COMTD1: variants seen among roughly 807,000 people sequenced by gnomAD.
COMTD1 encodes catechol O-methyltransferase domain-containing protein 1.
COMTD1 carries 35 observed loss-of-function variants against 33.6 expected under a neutral mutation model. The ratio of observed to expected loss-of-function variants is 1.04; its 90% confidence interval spans 0.80 to 1.38. The LOEUF is 1.38. COMTD1 is among the 40% of genes most tolerant of loss of function. The pLI is 0.00. For synonymous variants in COMTD1, 160 were observed against 176.8 expected (o/e 0.91, Z 0.75); for missense variants, 370 against 363.4 (o/e 1.02, Z -0.15).
rs372681735 is a variant in COMTD1, at chr10:75,235,160, G to A, written c.347C>T (p.Ser116Phe). The change falls in exon 4 of 7, where the codon TCC (serine) becomes TTC (phenylalanine). Residue 116 changes from serine (S) to phenylalanine (F), a missense_variant. Coordinates refer to ENST00000372538, the MANE Select transcript of COMTD1 (RefSeq NM_144589.4). Reference protein sequence around the residue: ...ALDLGTFTGYSALALALALPA... With the variant: ...ALDLGTFTGYFALALALALPA... ...CAGCGCCAGGGCCAGGGCCAGGGCG[G>A]AGTAGCCCGTGAAGGTGCCTGGGAC... The A allele has an allele frequency of 2.6e-4, 360 of 1,406,344 alleles. 1 individual carries two copies. The East Asian group carries it at 8.3e-3, about 32-fold the overall frequency. 87.1% of individuals were successfully genotyped at this position (1,406,344 alleles called of 1,614,324 possible). A position where few individuals can be genotyped will look rare whatever the true frequency, so the allele number is the denominator to read the frequency against.
intron 2 of COMTD1, 65 bp from the exon 3 acceptor site, chr10:75,235,437 G>T: frequency 7.4e-7 from 1 of 1,350,664 alleles, no homozygotes; most frequent in Non-Finnish European, 9.9e-7. Context: ...GGGGTCCCAA[G>T]CCCCAGGGGC....
chr10:75,235,877 A>T lies in COMTD1; in HGVS notation c.52T>A (p.Ser18Thr). 6.7e-7 allele frequency: 1 copy of T among 1,502,392 alleles called. No homozygotes were observed. Among genetic ancestry groups the T allele is most frequent in the Non-Finnish European group, 8.8e-7 (1 of 1,131,262 alleles). The allele number at this position is 1,502,392 out of a possible 1,614,324, so 93.1% of individuals were successfully genotyped here. A position where few individuals can be genotyped will look rare whatever the true frequency, so the allele number is the denominator to read the frequency against. ...LSVPAALALG[S>T]AALGAAFATG... ...GCGAAGGCGGCGCCCAGTGCGGCTG[A>T]GCCCAGGGCCAGCGCGGCGGGCACG... The change falls in exon 1 of 7, where the codon TCA becomes ACA. Residue 18 changes from serine to threonine, a missense_variant. Ser to Thr is a moderately conservative substitution (Grantham distance 58, BLOSUM62 1). Coordinates refer to ENST00000372538, the MANE Select transcript of COMTD1 (RefSeq NM_144589.4).
chr10:75,235,263 C>G lies in COMTD1; in HGVS notation c.328+4G>C. The G allele has an allele frequency of 6.5e-7, 1 of 1,547,070 alleles. No individual in the cohort carries two copies. Among genetic ancestry groups the G allele is most frequent in the Non-Finnish European group, 8.7e-7 (1 of 1,149,762 alleles). On this transcript the variant is annotated splice_donor_region_variant and intron_variant, in intron 3 of 6. Transcript: ENST00000372538. ...CCTCCGGGATCCCGGCCGCGTGCCC[C>G]TACCCAGGTCCAGCGCCTTCTTGGC...
rs909237694 is a variant in COMTD1, at chr10:75,235,865, C to T, written c.64G>A (p.Gly22Ser). Residue 22 changes from glycine to serine, a missense_variant, in exon 1 of 7, where the codon GGC becomes AGC. Transcript: ENST00000372538. ...AAGAGGCCAGTGGCGAAGGCGGCGC[C>T]CAGTGCGGCTGAGCCCAGGGCCAGC... Reference protein sequence around the residue: ...AALALGSAALGAAFATGLFLG... With the variant: ...AALALGSAALSAAFATGLFLG... 5.9e-6 allele frequency: 9 copies of T among 1,525,038 alleles called. No homozygotes were observed. The highest frequency in any genetic ancestry group is 7.9e-6 in the Non-Finnish European group (9 of 1,142,056). The allele number at this position is 1,525,038 out of a possible 1,614,324, so 94.5% of individuals were successfully genotyped here. A position where few individuals can be genotyped will look rare whatever the true frequency, so the allele number is the denominator to read the frequency against.
At chr10:75,234,253 G>T (rs773168983) in intron 6 of COMTD1, 28 bp from the exon 7 acceptor site, 1 of 1,593,758 alleles carries the variant, frequency 6.3e-7, no homozygotes, top group South Asian at 1.1e-5. Flanking sequence ...CAACCGGGCC[G>T]TGGGAGGCGG....
rs757555833 is a variant in COMTD1 at position 75,235,047 on chromosome 10, C to T, written c.447+13G>A. The T allele has an allele frequency of 2.8e-6, 4 of 1,452,684 alleles. No individual in the cohort carries two copies. The highest frequency in any genetic ancestry group is 2.8e-5 in the South Asian group (2 of 71,476). The allele number at this position is 1,452,684 out of a possible 1,614,324, so 90.0% of individuals were successfully genotyped here. A position where few individuals can be genotyped will look rare whatever the true frequency, so the allele number is the denominator to read the frequency against. Reference sequence around the variant, plus strand: ...CCCCGCCTGGGGCTGCAGAGCTAGGCGCGGGCGCTCACCTGCCTCCACAGG... The same window carrying T: ...CCCCGCCTGGGGCTGCAGAGCTAGGTGCGGGCGCTCACCTGCCTCCACAGG... On this transcript the variant is annotated intron_variant, in intron 4 of 6. Transcript: ENST00000372538.
chr10:75,235,797 G>GGGCCCCCCCCCCCCCCCCCCCCC, intron 1 of COMTD1, 38 bp downstream of exon 1: 1 of 1,538,666 alleles, frequency 6.5e-7, no homozygotes, highest in Non-Finnish European at 8.8e-7. Context: ...CCTACTCTGC[G>GGGCCCCCCCCCCCCCCCCCCCCC]CCCGCCCACC....
rs1446756075 is a variant in COMTD1 at position 75,234,922 on chromosome 10, C to G, written c.502+16G>C. ...GCAATGAATGGCTTCAAAGCCCTTCCCGCTTCGGTGCTCACCCAGGGTCTC... is the reference window on the plus strand; with the variant it reads ...GCAATGAATGGCTTCAAAGCCCTTCGCGCTTCGGTGCTCACCCAGGGTCTC... On this transcript the variant is annotated intron_variant, in intron 5 of 6. Transcript: ENST00000372538. 7 of 1,533,944 alleles carry G rather than the reference C, an allele frequency of 4.6e-6. No individual in the cohort carries two copies. Among genetic ancestry groups the G allele is most frequent in the Non-Finnish European group, 6.1e-6 (7 of 1,141,784 alleles).
intron 6 of COMTD1, 136 bp downstream of exon 6, chr10:75,234,473 CG>C: frequency 1.5e-6 from 2 of 1,337,972 alleles, no homozygotes; most frequent in Non-Finnish European, 2.0e-6. Context: ...GCCTGGGTAC[CG>C]GGGCCGGAGC....
In COMTD1 at chr10:75,234,138, C is replaced by T; in HGVS notation, c.724G>A (p.Asp242Asn). ...AGGAGGCTGATGTAGACCCTGACGT[C>T]CCGCCGGATGCGTTCGTTTAGGTTT... ...VRNLNERIRR[D>N]VRVYISLLPL... The change falls in exon 7 of 7, where the codon GAC (aspartate) becomes AAC (asparagine). Residue 242 changes from aspartate (D) to asparagine (N), a missense_variant. Transcript: ENST00000372538. The T allele has an allele frequency of 3.7e-6, 6 of 1,613,834 alleles. No individual in the cohort carries two copies. Among genetic ancestry groups the T allele is most frequent in the Non-Finnish European group, 5.1e-6 (6 of 1,180,026 alleles).
At chr10:75,235,575 G>A in intron 2 of COMTD1, 41 bp downstream of exon 2, 2 of 1,545,762 alleles carry the variant, frequency 1.3e-6, no homozygotes, top group South Asian at 1.2e-5. Flanking sequence ...GACCCGCAGG[G>A]GTCGAGAGGG....
Position 75,235,815 on chromosome 10 carries a change from C to A in COMTD1, c.94+20G>T. 3.3e-6 allele frequency: 5 copies of A among 1,536,786 alleles called. No individual in the cohort carries two copies. Among genetic ancestry groups the A allele is most frequent in the Non-Finnish European group, 4.4e-6 (5 of 1,144,212 alleles). ...ACTCTGCGCCCGCCCACCCGCCCGC[C>A]GGGACCAGGTCCTGCTCACCCAGGA... On this transcript the variant is annotated intron_variant, in intron 1 of 6. Coordinates refer to ENST00000372538, the MANE Select transcript of COMTD1 (RefSeq NM_144589.4).
Position 75,234,087 on chromosome 10 carries a change from C to A in COMTD1, c.775G>T (p.Ala259Ser). 6.2e-7 allele frequency: 1 copy of A among 1,614,020 alleles called. No homozygotes were observed. The highest frequency in any genetic ancestry group is 1.3e-5 in the African/African-American group (1 of 75,072). Residue 259 changes from alanine (A) to serine (S), a missense_variant, in exon 7 of 7, where the codon GCC (alanine) becomes TCC (serine). Ala to Ser is a moderately conservative substitution (Grantham distance 99, BLOSUM62 1). Coordinates refer to ENST00000372538, the MANE Select transcript of COMTD1 (RefSeq NM_144589.4). ...AGGGGCCAGCCCTAGATCTTGAAGG[C>A]CAAGGTGAGTCCATCGCCCAGGGGC... ...LLPLGDGLTL[A>S]FKI is the part of the protein sequence containing the mutation.
chr10:75,235,191 C>A lies in COMTD1; in HGVS notation c.329-13G>T. On this transcript the variant is annotated splice_polypyrimidine_tract_variant and intron_variant, in intron 3 of 6. Transcript: ENST00000372538. ...CCCGTGAAGGTGCCTGGGACCAGGA[C>A]ACAGACGGGCTCAGCCCAGAGTGGG... 9.8e-6 allele frequency: 14 copies of A among 1,429,666 alleles called. No homozygotes were observed. Among genetic ancestry groups the A allele is most frequent in the Non-Finnish European group, 1.3e-5 (14 of 1,095,800 alleles). 88.6% of individuals were successfully genotyped at this position (1,429,666 alleles called of 1,614,324 possible).
chr10:75,234,748 C>T lies in COMTD1; in HGVS notation c.503-5G>A, dbSNP rs906934028. 3.8e-6 allele frequency: 6 copies of T among 1,580,052 alleles called. No homozygotes were observed. The highest frequency in any genetic ancestry group is 2.7e-5 in the African/African-American group (2 of 73,204). ...CGCCCGCCGCCAGCAGCTCGTCTTG[C>T]GGGGGGAGGGAGGGCAGGTGCGGCT... On this transcript the variant is annotated splice_region_variant and splice_polypyrimidine_tract_variant and intron_variant, in intron 5 of 6. Coordinates refer to ENST00000372538, the MANE Select transcript of COMTD1 (RefSeq NM_144589.4).
chr10:75,235,767 T>C (rs1842184193), intron 1 of COMTD1, 24 bp from the exon 2 acceptor site: 1 of 1,588,010 alleles, frequency 6.3e-7, no homozygotes, highest in East Asian at 2.3e-5. Flanking sequence ...GGTGTTGGAT[T>C]AACCTGAGCC....
Position 75,234,222 on chromosome 10 carries a change from G to A in COMTD1, c.640C>T (p.Leu214=), listed in dbSNP as rs1368765724. 1 of 1,609,682 alleles carries A rather than the reference G, an allele frequency of 6.2e-7. No individual in the cohort carries two copies. Among genetic ancestry groups the A allele is most frequent in the Non-Finnish European group, 8.5e-7 (1 of 1,179,038 alleles). ...GGTTGCAGCACCTTCCCGCGCCACA[G>A]GACCTGCGGGAGGGCGGGGCCAACC... ...PGGILAVLRV[L]WRGKVLQPPK... is the part of the protein sequence containing the mutation. The change falls in exon 7 of 7, where the codon CTG becomes TTG. Residue 214 remains leucine, a synonymous_variant. Transcript: ENST00000372538.
At position 75,235,053 on chromosome 10, in the gene COMTD1, C is replaced by T. The variant is rs1045422209; in HGVS notation, c.447+7G>A. Reference sequence around the variant, plus strand: ...CTGGGGCTGCAGAGCTAGGCGCGGGCGCTCACCTGCCTCCACAGGGGCCGT... The same window carrying T: ...CTGGGGCTGCAGAGCTAGGCGCGGGTGCTCACCTGCCTCCACAGGGGCCGT... On this transcript the variant is annotated splice_region_variant and intron_variant, in intron 4 of 6. Transcript: ENST00000372538. 6 of 1,445,074 alleles carry T rather than the reference C, an allele frequency of 4.2e-6. No individual in the cohort carries two copies. The African/African-American group carries it at 7.6e-5, about 18-fold the overall frequency. The allele number at this position is 1,445,074 out of a possible 1,614,324, so 89.5% of individuals were successfully genotyped here. A position where few individuals can be genotyped will look rare whatever the true frequency, so the allele number is the denominator to read the frequency against.
At position 75,234,232 on chromosome 10, in the gene COMTD1, G is replaced by T; in HGVS notation, c.637-7C>A. The stretch of plus-strand genomic sequence containing the variant: ...CCTTCCCGCGCCACAGGACCTGCGG[G>T]AGGGCGGGGCCAACCGGGCCGTGGG... On this transcript the variant is annotated splice_region_variant and splice_polypyrimidine_tract_variant and intron_variant, in intron 6 of 6. Coordinates refer to ENST00000372538, the MANE Select transcript of COMTD1 (RefSeq NM_144589.4). The T allele has an allele frequency of 6.2e-7, 1 of 1,607,488 alleles. No homozygotes were observed.
Sources: gnomAD v4.1 joint callset for allele counts on GRCh38, gnomAD v4.1.1 for gene constraint, MANE v1.5 for transcripts, NCBI Gene and HGNC (gene_info 2026-07-23, HGNC 2026-07-21) for gene names.